The following VPS13C variants were observed in gnomAD, a reference collection of about 807,000 sequenced individuals.
VPS13C encodes vacuolar protein sorting 13 homolog C.
A neutral mutation model predicts 456.8 loss-of-function variants in VPS13C; 358 were observed. The observed-to-expected ratio is 0.78, with a 90% CI of 0.72 to 0.86. The LOEUF (loss-of-function observed/expected upper bound fraction) is 0.86, where lower values mean the gene tolerates loss of function less well. VPS13C is among the 40% of genes least tolerant of loss of function. The pLI, the probability that VPS13C is intolerant of heterozygous loss-of-function variation, is 0.00. For missense variants in VPS13C, 4,818 were observed against 4,385.4 expected, an observed-to-expected ratio of 1.10 and a Z score of -2.79; for synonymous variants, 1,578 against 1,486.7, an observed-to-expected ratio of 1.06 and a Z score of -1.41.
intron 82 of VPS13C, among the ~76,000 whole-genome samples, chr15:61,861,174 G>A (rs1226412959): frequency 6.6e-6 from 1 of 151,780 alleles, no homozygotes; most frequent in African/African-American, 2.4e-5. Flanking sequence ...TGTTGGCCAG[G>A]CTGGTCTCGA....
chr15:61,929,859 G>A (rs1216534568), intron 50 of VPS13C, 111 bp from the exon 51 acceptor site: 1 of 1,131,642 alleles, frequency 8.8e-7, no homozygotes, highest in Non-Finnish European at 1.2e-6. Context: ...TTTCTAATCT[G>A]TATAGAAAAC....
intron 71 of VPS13C, 96 bp from the exon 72 acceptor site, chr15:61,881,050 C>A: frequency 1.0e-6 from 1 of 959,604 alleles, no homozygotes; most frequent in Non-Finnish European, 1.5e-6. Flanking sequence ...ACAGTTATAT[C>A]TTGTTCCTTC....
chr15:62,004,003 A>T (rs1004051900), intron 15 of VPS13C, among the ~76,000 whole-genome samples: 1 of 151,884 alleles, frequency 6.6e-6, no homozygotes, highest in African/African-American at 2.4e-5. Flanking sequence ...TGTCTCTGCC[A>T]GGCTTTGGTA....
In VPS13C at chr15:61,855,119, G is replaced by A. The variant is rs573964904; in HGVS notation, c.11077-165C>T. 8.5e-5 allele frequency among the ~76,000 whole-genome samples: 13 copies of A among 152,176 alleles called. 1 individual carries two copies. In the South Asian group the frequency reaches 1.5e-3, roughly 17 times the overall value. ...AAATAAATCATCTTGGAACAAGGACGGTATTTCCATATGTGAGTTGTTAGA... is the reference window on the plus strand; with the variant it reads ...AAATAAATCATCTTGGAACAAGGACAGTATTTCCATATGTGAGTTGTTAGA... On this transcript the variant is annotated intron_variant, in intron 83 of 84. Coordinates refer to ENST00000644861, the MANE Select transcript of VPS13C (RefSeq NM_020821.3).
intron 15 of VPS13C, among the ~76,000 whole-genome samples, chr15:62,002,554 T>C (rs1203336436): frequency 6.6e-6 from 1 of 152,224 alleles, no homozygotes; most frequent in African/African-American, 2.4e-5. Context: ...TTGGCTTTTG[T>C]TGCCATTGCT....
In VPS13C at chr15:61,890,333, C is replaced by T. The variant is rs150364963; in HGVS notation, c.9173G>A (p.Arg3058His). Residue 3058 changes from arginine to histidine, a missense_variant, in exon 67 of 85, where the codon CGC (arginine) becomes CAC (histidine). Arg to His is a conservative substitution (Grantham distance 29). Around this residue, in one of 3 missense-constraint regions of VPS13C, gnomAD observed 4,552 missense variants for 4,130.6 expected, o/e 1.10. Coordinates refer to ENST00000644861, the MANE Select transcript of VPS13C (RefSeq NM_020821.3). ...ATCGGTGAAAAGCAAAACTCTCTGG[C>T]GCCCATCCAGAAATGATACCCAGTG... is the stretch of plus-strand genomic sequence containing the variant. ...QIHWVSFLDGRQRVLLFTDDV... is the reference protein window; with the variant it reads ...QIHWVSFLDGHQRVLLFTDDV... The T allele has an allele frequency of 6.8e-6, 11 of 1,613,912 alleles. No homozygotes were observed. The highest frequency in any genetic ancestry group is 2.2e-5 in the South Asian group (2 of 91,056).
intron 15 of VPS13C, 33 bp from the exon 16 acceptor site, chr15:62,000,659 A>T (rs1373846315): frequency 1.3e-6 from 2 of 1,562,188 alleles, no homozygotes; most frequent in Non-Finnish European, 1.7e-6. Flanking sequence ...TAAACAAGAA[A>T]TTTAATCATT....
chr15:61,874,869 T>C lies in VPS13C; in HGVS notation c.10414+7A>G, dbSNP rs1462054271. 1 of 1,577,452 alleles carries C rather than the reference T, an allele frequency of 6.3e-7. No individual in the cohort carries two copies. On this transcript the variant is annotated splice_region_variant and intron_variant, in intron 77 of 84. Coordinates refer to ENST00000644861, the MANE Select transcript of VPS13C (RefSeq NM_020821.3). ...TATACACATATACACAAATATGTGA[T>C]ACATACCTACTGTGTGTCCAAAGAG... is the stretch of plus-strand genomic sequence containing the variant.
chr15:61,968,492 C>A (rs2045447779), intron 28 of VPS13C, among the ~76,000 whole-genome samples: 1 of 151,982 alleles, frequency 6.6e-6, no homozygotes, highest in African/African-American at 2.4e-5. Flanking sequence ...GTCCCAGAAT[C>A]AATGCCCCAC....
intron 41 of VPS13C, 136 bp from the exon 42 acceptor site, chr15:61,949,741 T>A: frequency 1.4e-6 from 1 of 738,268 alleles, no homozygotes; most frequent in Non-Finnish European, 2.1e-6. Flanking sequence ...AAGAACTCAC[T>A]ATTAACTCAC....
At chr15:62,060,220 G>T in intron 1 of VPS13C, 55 bp downstream of exon 1, 1 of 1,023,772 alleles carries the variant, frequency 9.8e-7, no homozygotes. Context: ...GGACGGAGCA[G>T]CCCTCGGCTG....
intron 51 of VPS13C, among the ~76,000 whole-genome samples, chr15:61,928,744 G>T (rs1280427971): frequency 6.6e-6 from 1 of 151,912 alleles, no homozygotes; most frequent in Admixed American, 6.6e-5. Context: ...CAGGTGTGGT[G>T]GTGCACAACT....
At chr15:61,906,630 A>G (rs1418575878) in intron 66 of VPS13C, 1 of 152,720 alleles carries the variant, frequency 6.5e-6, no homozygotes, top group Non-Finnish European at 1.5e-5. Context: ...AACAATGGAC[A>G]ATGACACTAT....
At chr15:61,855,997 T>A (rs950253813) in intron 83 of VPS13C, among the ~76,000 whole-genome samples, 2 of 150,656 alleles carry the variant, frequency 1.3e-5, no homozygotes, top group Admixed American at 6.6e-5. Flanking sequence ...CCATATGAAG[T>A]TAAAAAAAAA....
At chr15:61,993,771 G>A (rs1185073640) in intron 16 of VPS13C, among the ~76,000 whole-genome samples, 7 of 152,006 alleles carry the variant, frequency 4.6e-5, no homozygotes, top group Admixed American at 3.9e-4. Flanking sequence ...AAATAAATAA[G>A]AATTAATATT....
intron 2 of VPS13C, among the ~76,000 whole-genome samples, chr15:62,042,540 C>A (rs533137049): frequency 1.5e-3 from 228 of 151,778 alleles, no homozygotes; most frequent in Admixed American, 2.4e-3. Flanking sequence ...AAAAAAAAGT[C>A]TTTGCTGCCA....
At chr15:61,894,951 A>G (rs962762537) in intron 66 of VPS13C, among the ~76,000 whole-genome samples, 3 of 152,228 alleles carry the variant, frequency 2.0e-5, no homozygotes, top group Non-Finnish European at 2.9e-5. Flanking sequence ...TCTCATCTGC[A>G]CATGGCCCAT....
intron 3 of VPS13C, 68 bp downstream of exon 3, chr15:62,041,256 T>G (rs2048232301): frequency 6.5e-7 from 1 of 1,528,040 alleles, no homozygotes; most frequent in African/African-American, 1.4e-5. Context: ...TTTTTTAGGT[T>G]AAATAACACA....
At chr15:61,860,955 T>A in intron 82 of VPS13C, among the ~76,000 whole-genome samples, 1 of 108,126 alleles carries the variant, frequency 9.2e-6, no homozygotes, top group African/African-American at 3.8e-5. Context: ...TTTTCTTTCT[T>A]TTTTTTTTTT....
Sources: gnomAD v4.1 joint callset for allele counts (sites outside exome capture counted in the v4.1 genomes callset) on GRCh38, gnomAD v4.1.1 for gene constraint, gnomAD v4.1.1 regional missense constraint, MANE v1.5 for transcripts, NCBI Gene and HGNC (gene_info 2026-07-23, HGNC 2026-07-21) for gene names.